The following CCDC6 variants were observed in gnomAD, a reference collection of about 807,000 sequenced individuals.
The protein encoded by CCDC6 is coiled-coil domain-containing protein 6.
Under a neutral mutation model 56.6 loss-of-function variants are expected in CCDC6, and 20 were observed. The ratio of observed to expected loss-of-function variants is 0.35; its 90% CI spans 0.25 to 0.51. The LOEUF is 0.51. CCDC6 is among the 20% of genes least tolerant of loss of function. CCDC6 has a pLI of 0.95. For missense variants in CCDC6, 367 were observed against 601.1 expected (o/e 0.61, Z 4.07); for synonymous variants, 241 against 234.4 (o/e 1.03, Z -0.26).
At chr10:59,797,668 G>C (rs2070534574) in intron 7 of CCDC6, among the ~76,000 whole-genome samples, 1 of 123,748 alleles carries the variant, frequency 8.1e-6, no homozygotes, top group Non-Finnish European at 1.6e-5. Flanking sequence ...GTGAGAGAGA[G>C]AGAGAGTGAG....
At chr10:59,895,113 G>A (rs1233296187) in intron 1 of CCDC6, among the ~76,000 whole-genome samples, 2 of 152,136 alleles carry the variant, frequency 1.3e-5, no homozygotes, top group South Asian at 2.1e-4. Flanking sequence ...ACTAGCCTGG[G>A]CAACATAGTA....
intron 1 of CCDC6, among the ~76,000 whole-genome samples, chr10:59,884,649 G>A (rs1338316201): frequency 1.3e-5 from 2 of 150,290 alleles, no homozygotes. Context: ...GTGTAAAGTA[G>A]AAAAAAAAAA....
In CCDC6 at chr10:59,827,610, A is replaced by G. The variant is rs559431058; in HGVS notation, c.582+4915T>C. Among the ~76,000 whole-genome samples, 113 of 152,334 alleles carry G rather than the reference A, an allele frequency of 7.4e-4. 1 individual carries two copies. Among genetic ancestry groups the G allele is most frequent in the Admixed American group, 1.6e-3 (24 of 15,308 alleles). ...GATTTGAACCCAGGGAAGTTTCCCT[A>G]AACTACACGGGCTAAGATATCATTA... On this transcript the variant is annotated intron_variant, in intron 3 of 8. Transcript: ENST00000263102.
intron 1 of CCDC6, among the ~76,000 whole-genome samples, chr10:59,894,784 G>A (rs995899246): frequency 6.6e-6 from 1 of 152,090 alleles, no homozygotes; most frequent in African/African-American, 2.4e-5. Context: ...CCAACTGGAG[G>A]GCAACTGAGC....
chr10:59,813,307 C>T (rs932512945), intron 4 of CCDC6, among the ~76,000 whole-genome samples: 3 of 152,182 alleles, frequency 2.0e-5, no homozygotes, highest in Non-Finnish European at 2.9e-5. Flanking sequence ...ACTGGACTAG[C>T]GGCCCTTTGC....
chr10:59,893,895 A>C (rs183199162), intron 1 of CCDC6, among the ~76,000 whole-genome samples: 4 of 152,192 alleles, frequency 2.6e-5, no homozygotes, highest in Admixed American at 6.5e-5. Flanking sequence ...TGCTGTGTTC[A>C]ATCCCCTGCT....
rs1244327458 is a variant in CCDC6, at chr10:59,792,864, T to C, written c.*53A>G. 1.3e-6 allele frequency: 2 copies of C among 1,569,576 alleles called. No individual in the cohort carries two copies. The highest frequency in any genetic ancestry group is 2.7e-5 in the African/African-American group (2 of 74,162). Reference sequence around the variant, plus strand: ...AGAGAAGGAAGCCTTTGGCGTTGAGTAGACGGCTCCATTGGATGAGTCCCA... The same window carrying C: ...AGAGAAGGAAGCCTTTGGCGTTGAGCAGACGGCTCCATTGGATGAGTCCCA... On this transcript the variant is annotated 3_prime_UTR_variant, in exon 9 of 9. Transcript: ENST00000263102.
intron 2 of CCDC6, among the ~76,000 whole-genome samples, chr10:59,851,190 T>C (rs1461049347): frequency 7.0e-6 from 1 of 142,692 alleles, no homozygotes. Flanking sequence ...TGGCACCTGA[T>C]TACACATACA....
chr10:59,834,944 C>T (rs544255424), intron 2 of CCDC6, among the ~76,000 whole-genome samples: 5 of 152,314 alleles, frequency 3.3e-5, no homozygotes, highest in African/African-American at 1.2e-4. Context: ...ATTCAGTAAG[C>T]GTGCTGTGCT....
At chr10:59,817,446 T>C (rs1299863295) in intron 3 of CCDC6, among the ~76,000 whole-genome samples, 1 of 152,144 alleles carries the variant, frequency 6.6e-6, no homozygotes, top group Non-Finnish European at 1.5e-5. Flanking sequence ...CCCAAAGTGT[T>C]GAGATTACAG....
At chr10:59,881,015 C>G (rs1426487388) in intron 1 of CCDC6, among the ~76,000 whole-genome samples, 2 of 151,910 alleles carry the variant, frequency 1.3e-5, no homozygotes, top group Non-Finnish European at 2.9e-5. Flanking sequence ...GTCTGCCCGA[C>G]CCCCTGCTGC....
chr10:59,890,209 T>C (rs2071411483), intron 1 of CCDC6, among the ~76,000 whole-genome samples: 1 of 151,562 alleles, frequency 6.6e-6, no homozygotes, highest in South Asian at 2.1e-4. Flanking sequence ...AAACAAGGGG[T>C]TTCGTAACAT....
chr10:59,796,465 C>T (rs926552973), intron 7 of CCDC6, among the ~76,000 whole-genome samples: 17 of 152,014 alleles, frequency 1.1e-4, no homozygotes, highest in South Asian at 2.1e-4. Context: ...GGTGAGGATA[C>T]GGAGAAAAAA....
rs143756522 is a variant in CCDC6 at position 59,904,424 on chromosome 10, A to T, written c.303+1698T>A. ...TCCCTCCCAAACAAAACCAGCCTGA[A>T]TTGCCCACTGCATGCAAAAGGCTAT... is the stretch of plus-strand genomic sequence containing the variant. On this transcript the variant is annotated intron_variant, in intron 1 of 8. Transcript: ENST00000263102. Among the ~76,000 whole-genome samples, 22 of 152,294 alleles carry T rather than the reference A, an allele frequency of 1.4e-4. No individual in the cohort carries two copies. In the East Asian group the frequency reaches 3.7e-3, roughly 25 times the overall value.
chr10:59,789,142 GT>G lies in CCDC6; in HGVS notation c.*3774del. ...TTCTGGAGGAATGCATTCTTAAACTGTTGTGCCTGCAACTTTGTTTTTGCCA... is the reference window on the plus strand; with the variant it reads ...TTCTGGAGGAATGCATTCTTAAACTGTGTGCCTGCAACTTTGTTTTTGCCA... On this transcript the variant is annotated 3_prime_UTR_variant, in exon 9 of 9. Coordinates refer to ENST00000263102, the MANE Select transcript of CCDC6 (RefSeq NM_005436.5). 1 of 229,556 alleles carries G rather than the reference GT, an allele frequency of 4.4e-6. No individual in the cohort carries two copies. The highest frequency in any genetic ancestry group is 8.7e-6 in the Non-Finnish European group (1 of 115,582). 14.2% of individuals were successfully genotyped at this position (229,556 alleles called of 1,614,324 possible). A position where few individuals can be genotyped will look rare whatever the true frequency, so the allele number is the denominator to read the frequency against.
chr10:59,827,225 C>A (rs981615506), intron 3 of CCDC6, among the ~76,000 whole-genome samples: 2 of 152,074 alleles, frequency 1.3e-5, no homozygotes, highest in African/African-American at 4.8e-5. Context: ...AGGTCAAGAC[C>A]CATTACTGGA....
intron 1 of CCDC6, among the ~76,000 whole-genome samples, chr10:59,864,131 G>A (rs1217459899): frequency 6.6e-6 from 1 of 152,196 alleles, no homozygotes; most frequent in Non-Finnish European, 1.5e-5. Flanking sequence ...GCTATGAAAT[G>A]TAGTCTGAAT....
chr10:59,853,656 A>C (rs1329422910), intron 1 of CCDC6, among the ~76,000 whole-genome samples: 1 of 152,180 alleles, frequency 6.6e-6, no homozygotes, highest in Non-Finnish European at 1.5e-5. Flanking sequence ...CTAGTTATTA[A>C]GAGGTAGTGG....
chr10:59,822,399 G>C (rs1397893444), intron 3 of CCDC6, among the ~76,000 whole-genome samples: 3 of 152,070 alleles, frequency 2.0e-5, no homozygotes, highest in Non-Finnish European at 1.5e-5. Flanking sequence ...TAATATTACA[G>C]AAATTTGCAT....
Sources: gnomAD v4.1 joint callset for allele counts (sites outside exome capture counted in the v4.1 genomes callset) on GRCh38, gnomAD v4.1.1 for gene constraint, MANE v1.5 for transcripts, NCBI Gene and HGNC (gene_info 2026-07-23, HGNC 2026-07-21) for gene names.